KIF13A: variants seen among roughly 807,000 people sequenced by gnomAD.
KIF13A encodes the protein kinesin-like protein KIF13A.
A neutral mutation model predicts 212.2 loss-of-function variants in KIF13A; 79 were observed. That is an observed-to-expected ratio of 0.37 (90% CI 0.31 to 0.45). The LOEUF (loss-of-function observed/expected upper bound fraction) is 0.45, where lower values mean the gene tolerates loss of function less well. KIF13A is among the 20% of genes least tolerant of loss of function. The pLI, the probability that KIF13A is intolerant of heterozygous loss-of-function variation, is 1.00. For missense variants in KIF13A, 1,901 were observed against 2,209.0 expected (o/e 0.86, Z 2.79); for synonymous variants, 789 against 808.6 (o/e 0.98, Z 0.41).
chr6:17,775,202 G>A (rs984127172), intron 34 of KIF13A, 140 bp from the exon 35 acceptor site: 12 of 620,978 alleles, frequency 1.9e-5, no homozygotes, highest in Non-Finnish European at 2.2e-5. Flanking sequence ...TCCAGGAGTA[G>A]TGACTACTCT....
At chr6:17,866,691 A>G (rs2150423329) in intron 4 of KIF13A, among the ~76,000 whole-genome samples, 1 of 151,772 alleles carries the variant, frequency 6.6e-6, no homozygotes, top group Non-Finnish European at 1.5e-5. Context: ...ACCCCTCTAA[A>G]CACAAGTTAA....
chr6:17,805,707 G>T, intron 18 of KIF13A, 92 bp from the exon 19 acceptor site: 1 of 1,144,902 alleles, frequency 8.7e-7, no homozygotes, highest in African/African-American at 1.6e-5. Context: ...CAGTAAGTTT[G>T]CAAAACACAT....
intron 2 of KIF13A, among the ~76,000 whole-genome samples, chr6:17,980,135 C>T (rs1174992535): frequency 6.6e-6 from 1 of 151,990 alleles, no homozygotes; most frequent in East Asian, 1.9e-4. Context: ...TAACAGATTC[C>T]AGAGGGGAAT....
At position 17,800,603 on chromosome 6, in the gene KIF13A, A is replaced by ATT. The variant is rs35331549; in HGVS notation, c.2455-492_2455-491dup. Among the ~76,000 whole-genome samples the ATT allele has an allele frequency of 2.4e-3, 326 of 137,812 alleles. 2 individuals carry two copies. Among genetic ancestry groups the ATT allele is most frequent in the East Asian group, 4.5e-3 (21 of 4,666 alleles). The allele number at this position is 137,812 out of a possible 152,430, so 90.4% of individuals were successfully genotyped here. A position where few individuals can be genotyped will look rare whatever the true frequency, so the allele number is the denominator to read the frequency against. On this transcript the variant is annotated intron_variant, in intron 20 of 38. Transcript: ENST00000259711. Reference sequence around the variant, plus strand: ...AGGTGCGTGCTACCACGCCCAGCTAATTTTTTTTTTTTTTTGAGACAATGT... The same window carrying ATT: ...AGGTGCGTGCTACCACGCCCAGCTAATTTTTTTTTTTTTTTTTGAGACAATGT...
At chr6:17,931,993 C>G (rs140347355) in intron 2 of KIF13A, among the ~76,000 whole-genome samples, 1 of 152,280 alleles carries the variant, frequency 6.6e-6, no homozygotes, top group Non-Finnish European at 1.5e-5. Context: ...CTAACAGCAT[C>G]AGCATCACCT....
intron 2 of KIF13A, among the ~76,000 whole-genome samples, chr6:17,913,718 C>A (rs1254425572): frequency 6.6e-6 from 1 of 152,226 alleles, no homozygotes; most frequent in East Asian, 1.9e-4. Context: ...TGGTGTCAAT[C>A]CACCGAGGGG....
chr6:17,943,793 C>T (rs1477300202), intron 2 of KIF13A, among the ~76,000 whole-genome samples: 2 of 152,134 alleles, frequency 1.3e-5, no homozygotes, highest in Non-Finnish European at 2.9e-5. Flanking sequence ...CGTGGAAGTG[C>T]GTGGCATGCA....
intron 2 of KIF13A, among the ~76,000 whole-genome samples, chr6:17,975,900 G>GT (rs1411379456): frequency 6.6e-6 from 1 of 151,738 alleles, no homozygotes; most frequent in East Asian, 1.9e-4. Flanking sequence ...GCCGATTGGT[G>GT]TATTTACAAT....
chr6:17,900,505 CTTG>C lies in KIF13A; in HGVS notation c.147-2328_147-2326del, dbSNP rs960655635. On this transcript the variant is annotated intron_variant, in intron 2 of 38. Transcript: ENST00000259711. The surrounding 1 kb of genome is among the most constrained non-coding windows in gnomAD (Gnocchi z 4.6). ...CTTCTTTTGTGTTTCTGAATAAATG[CTTG>C]TTAAGAACAAATTGAGACTGCGAAG... Among the ~76,000 whole-genome samples, 15 of 152,150 alleles carry C rather than the reference CTTG, an allele frequency of 9.9e-5. No homozygotes were observed. The highest frequency in any genetic ancestry group is 1.8e-4 in the Non-Finnish European group (12 of 68,022).
chr6:17,835,195 C>CAAAAAAAAAA (rs61697144), intron 11 of KIF13A, among the ~76,000 whole-genome samples: 10 of 45,952 alleles, frequency 2.2e-4, no homozygotes, highest in East Asian at 1.9e-3. Flanking sequence ...CCGCCCCCGC[C>CAAAAAAAAAA]AAAAAAAAAA....
At position 17,947,439 on chromosome 6, in the gene KIF13A, A is replaced by T. The variant is rs1370544359; in HGVS notation, c.146+39615T>A. Reference sequence around the variant, plus strand: ...CAAAATTTGATAATACCTAATAATTAAGGCTAGCTACTTTTCCTTTCAGCT... The same window carrying T: ...CAAAATTTGATAATACCTAATAATTTAGGCTAGCTACTTTTCCTTTCAGCT... On this transcript the variant is annotated intron_variant, in intron 2 of 38. Coordinates refer to ENST00000259711, the MANE Select transcript of KIF13A (RefSeq NM_022113.6). The surrounding 1 kb of genome is among the most constrained non-coding windows in gnomAD (Gnocchi z 4.6). Among the ~76,000 whole-genome samples, 1 of 152,230 alleles carries T rather than the reference A, an allele frequency of 6.6e-6. No homozygotes were observed. Among genetic ancestry groups the T allele is most frequent in the Non-Finnish European group, 1.5e-5 (1 of 68,038 alleles).
chr6:17,974,539 T>C (rs191545412), intron 2 of KIF13A, among the ~76,000 whole-genome samples: 1 of 152,340 alleles, frequency 6.6e-6, no homozygotes, highest in Non-Finnish European at 1.5e-5. Context: ...ATATGTACTT[T>C]GCCCTGTTCA....
intron 2 of KIF13A, among the ~76,000 whole-genome samples, chr6:17,949,586 C>T (rs763244334): frequency 1.3e-5 from 2 of 152,086 alleles, no homozygotes; most frequent in African/African-American, 2.4e-5. Context: ...TTCTAAACAA[C>T]ATCACAAAAT....
intron 2 of KIF13A, among the ~76,000 whole-genome samples, chr6:17,983,014 C>A (rs980754210): frequency 1.3e-5 from 2 of 151,264 alleles, no homozygotes; most frequent in Non-Finnish European, 1.5e-5. Context: ...ACTAAAAATA[C>A]ACAAAAAAAT....
chr6:17,890,626 T>C (rs1302918883), intron 3 of KIF13A, among the ~76,000 whole-genome samples: 15 of 149,728 alleles, frequency 1.0e-4, no homozygotes, highest in East Asian at 1.9e-4. Flanking sequence ...CCCTTCTCCT[T>C]CTTCTTTTTT....
intron 23 of KIF13A, among the ~76,000 whole-genome samples, chr6:17,795,408 C>T (rs1761940637): frequency 1.3e-5 from 2 of 150,734 alleles, no homozygotes; most frequent in South Asian, 4.2e-4. Context: ...CATGGTGAAA[C>T]CCTGTCTCTA....
intron 2 of KIF13A, among the ~76,000 whole-genome samples, chr6:17,941,410 C>A (rs1222053687): frequency 5.3e-5 from 8 of 152,174 alleles, no homozygotes; most frequent in African/African-American, 1.9e-4. Context: ...TCCCCACACC[C>A]TAAATTTCCA....
intron 4 of KIF13A, among the ~76,000 whole-genome samples, chr6:17,864,440 G>A (rs1304847877): frequency 1.3e-5 from 2 of 152,146 alleles, no homozygotes; most frequent in African/African-American, 4.8e-5. Flanking sequence ...ATTTCTACAA[G>A]CAAAGTCACA....
chr6:17,799,898 TG>T lies in KIF13A; in HGVS notation c.2616+53del. The T allele has an allele frequency of 6.4e-7, 1 of 1,560,524 alleles. No homozygotes were observed. The highest frequency in any genetic ancestry group is 8.7e-7 in the Non-Finnish European group (1 of 1,154,126). On this transcript the variant is annotated intron_variant, in intron 21 of 38. Coordinates refer to ENST00000259711, the MANE Select transcript of KIF13A (RefSeq NM_022113.6). The surrounding 1 kb of genome is among the most constrained non-coding windows in gnomAD (Gnocchi z 4.4). ...AACTCTCATAAGATTTTTTGTAAAA[TG>T]GTTTTGCATGAAAAAGGTCATTTAT...
Sources: gnomAD v4.1 joint callset for allele counts (sites outside exome capture counted in the v4.1 genomes callset) on GRCh38, gnomAD v4.1.1 for gene constraint, Gnocchi (gnomAD v3.1) non-coding constraint, MANE v1.5 for transcripts, NCBI Gene and HGNC (gene_info 2026-07-23, HGNC 2026-07-21) for gene names.